The following PDHA1 variants were observed in gnomAD, a reference collection of about 807,000 sequenced individuals.
PDHA1 encodes pyruvate dehydrogenase E1 component subunit alpha, somatic form, mitochondrial.
PDHA1 carries 1 observed loss-of-function variant against 33.0 expected under a neutral mutation model. The ratio of observed to expected loss-of-function variants is 0.03; its 90% confidence interval spans 0.01 to 0.14. The LOEUF is 0.14. Among genes scored for constraint, PDHA1 ranks in the 10% least tolerant of loss-of-function variants. PDHA1 has a pLI of 1.00. For missense variants in PDHA1, 168 were observed against 325.1 expected, an observed-to-expected ratio of 0.52 and a Z score of 3.72; for synonymous variants, 123 against 119.2, an observed-to-expected ratio of 1.03 and a Z score of -0.21.
chrX:19,360,738 G>A lies in PDHA1; in HGVS notation c.*1085G>A, dbSNP rs765681576. 5.9e-6 allele frequency: 7 copies of A among 1,190,771 alleles called. No homozygotes were observed. In the East Asian group the frequency reaches 1.2e-4, roughly 20 times the overall value. ...TGGTGGGACACTCTGCCACAGCTTA[G>A]CTGATTGGTATCAAGCCTTGTCTTT... On this transcript the variant is annotated 3_prime_UTR_variant, in exon 11 of 11. Coordinates refer to ENST00000422285, the MANE Select transcript of PDHA1 (RefSeq NM_000284.4).
chrX:19,357,814 G>GATACCAGTTCACTTC, intron 9 of PDHA1, 95 bp downstream of exon 9: 1 of 677,258 alleles, frequency 1.5e-6, no homozygotes, highest in Non-Finnish European at 2.4e-6. Context: ...TTTGGAGCTA[G>GATACCAGTTCACTTC]ATACCAGTTC....
Position 19,359,929 on chromosome X carries a change from G to A in PDHA1, c.*276G>A, listed in dbSNP as rs1297996550. The stretch of plus-strand genomic sequence containing the variant: ...AGGAAGAACAATTCCTTGTATGCCT[G>A]TTTCCCCTGCCCCCAGCCACCTTTT... On this transcript the variant is annotated 3_prime_UTR_variant, in exon 11 of 11. Coordinates refer to ENST00000422285, the MANE Select transcript of PDHA1 (RefSeq NM_000284.4). The A allele has an allele frequency of 5.8e-6, 2 of 344,758 alleles. No homozygotes were observed. The highest frequency in any genetic ancestry group is 5.9e-5 in the East Asian group (1 of 16,987). The allele number at this position is 344,758 out of a possible 1,213,427, so 28.4% of individuals were successfully genotyped here.
At position 19,360,507 on chromosome X, in the gene PDHA1, C is replaced by CTAA; in HGVS notation, c.*857_*859dup. 6.8e-6 allele frequency: 2 copies of CTAA among 294,738 alleles called. No individual in the cohort carries two copies. Among genetic ancestry groups the CTAA allele is most frequent in the Non-Finnish European group, 1.2e-5 (2 of 167,249 alleles). The allele number at this position is 294,738 out of a possible 1,213,427, so 24.3% of individuals were successfully genotyped here. A position where few individuals can be genotyped will look rare whatever the true frequency, so the allele number is the denominator to read the frequency against. On this transcript the variant is annotated 3_prime_UTR_variant, in exon 11 of 11. Transcript: ENST00000422285. ...ATAGCTGGGACTACAAGTGAATTTC[C>CTAA]TAATATTCCGGGAGGTCAAAACCAA...
At position 19,359,830 on chromosome X, in the gene PDHA1, ATGAATTAT is replaced by A; in HGVS notation, c.*181_*188del. The A allele has an allele frequency of 6.0e-6, 3 of 496,611 alleles. No individual in the cohort carries two copies. In the South Asian group the frequency reaches 8.4e-5, roughly 14 times the overall value. 40.9% of individuals were successfully genotyped at this position (496,611 alleles called of 1,213,427 possible). On this transcript the variant is annotated 3_prime_UTR_variant, in exon 11 of 11. Coordinates refer to ENST00000422285, the MANE Select transcript of PDHA1 (RefSeq NM_000284.4). Reference sequence around the variant, plus strand: ...AGTTTGTACATTAGTGCATTAAAAGATGAATTATTGAGTGCTTAAAGATTATTTTTGAC... The same window carrying A: ...AGTTTGTACATTAGTGCATTAAAAGATGAGTGCTTAAAGATTATTTTTGAC...
rs1308033219 is a variant in PDHA1 at position 19,360,602 on chromosome X, A to G, written c.*949A>G. 2.2e-6 allele frequency: 1 copy of G among 457,258 alleles called. No individual in the cohort carries two copies. Among genetic ancestry groups the G allele is most frequent in the South Asian group, 3.3e-5 (1 of 30,463 alleles). 37.7% of individuals were successfully genotyped at this position (457,258 alleles called of 1,213,427 possible). A position where few individuals can be genotyped will look rare whatever the true frequency, so the allele number is the denominator to read the frequency against. On this transcript the variant is annotated 3_prime_UTR_variant, in exon 11 of 11. Transcript: ENST00000422285. Reference sequence around the variant, plus strand: ...ACAGGTTTCAAAAGAAACTCAGGACAGTATTTAAAACAAGTTCTTAAACTA... The same window carrying G: ...ACAGGTTTCAAAAGAAACTCAGGACGGTATTTAAAACAAGTTCTTAAACTA...
At chrX:19,354,622 T>C in intron 6 of PDHA1, 39 bp downstream of exon 6, 1 of 805,419 alleles carries the variant, frequency 1.2e-6, no homozygotes, top group Non-Finnish European at 1.9e-6. Context: ...CAGTCTTATT[T>C]TCAAAGTCTT....
In PDHA1 at chrX:19,349,694, C is replaced by T. The variant is rs1200212541; in HGVS notation, c.118-243C>T. On this transcript the variant is annotated intron_variant, in intron 2 of 10. Coordinates refer to ENST00000422285, the MANE Select transcript of PDHA1 (RefSeq NM_000284.4). The stretch of plus-strand genomic sequence containing the variant: ...TTGAAGGTTCTTTCAACCTATAACT[C>T]AGTTGGCTTCTAGGGGCTTTCAGTG... 2.7e-5 allele frequency among the ~76,000 whole-genome samples: 3 copies of T among 112,325 alleles called. No homozygotes were observed. In the East Asian group the frequency reaches 8.3e-4, roughly 31 times the overall value.
intron 5 of PDHA1, chrX:19,353,428 A>G: frequency 2.4e-6 from 1 of 413,038 alleles, no homozygotes. Context: ...TATTTTGCCT[A>G]CAGGATTCAG....
chrX:19,359,090 A>G (rs2063235201), intron 10 of PDHA1, 66 bp downstream of exon 10: 1 of 651,479 alleles, frequency 1.5e-6, no homozygotes, highest in African/African-American at 2.2e-5. Context: ...GGGTGGCCAC[A>G]GAGTTTGTGT....
At chrX:19,355,188 C>A in intron 6 of PDHA1, 161 bp from the exon 7 acceptor site, 1 of 578,922 alleles carries the variant, frequency 1.7e-6, no homozygotes, top group Non-Finnish European at 3.0e-6. Flanking sequence ...TCTCCTCCAC[C>A]ACCCACCCCG....
At chrX:19,354,767 A>G (rs999504141) in intron 6 of PDHA1, among the ~76,000 whole-genome samples, 184 bp downstream of exon 6, 1 of 112,608 alleles carries the variant, frequency 8.9e-6, no homozygotes, top group African/African-American at 3.2e-5. Flanking sequence ...TTCACAAGAG[A>G]CTTACGGGGG....
At position 19,359,486 on chromosome X, in the gene PDHA1, T is replaced by C. The variant is rs751552111; in HGVS notation, c.1009-3T>C. ...ACCTTTTACACTGTTACCTAATTTT[T>C]AGGAAATTGATGTGGAAGTGAGGAA... On this transcript the variant is annotated splice_region_variant and splice_polypyrimidine_tract_variant and intron_variant, in intron 10 of 10. Coordinates refer to ENST00000422285, the MANE Select transcript of PDHA1 (RefSeq NM_000284.4). 1 of 1,206,824 alleles carries C rather than the reference T, an allele frequency of 8.3e-7. No individual in the cohort carries two copies. The highest frequency in any genetic ancestry group is 1.1e-6 in the Non-Finnish European group (1 of 891,156).
chrX:19,358,103 C>T (rs1389519474), intron 9 of PDHA1, among the ~76,000 whole-genome samples: 1 of 111,877 alleles, frequency 8.9e-6, no homozygotes, highest in Admixed American at 9.5e-5. Context: ...TGGAGATGTT[C>T]CTCTGTCTGG....
intron 6 of PDHA1, 32 bp downstream of exon 6, chrX:19,354,615 T>C: frequency 1.2e-6 from 1 of 862,484 alleles, no homozygotes; most frequent in Non-Finnish European, 1.7e-6. Flanking sequence ...CCAAAAACAG[T>C]CTTATTTTCA....
chrX:19,358,885 C>CTGATCGATTACTACTTTT, intron 9 of PDHA1, 31 bp from the exon 10 acceptor site: 1 of 861,402 alleles, frequency 1.2e-6, no homozygotes, highest in Non-Finnish European at 1.7e-6. Flanking sequence ...ACTGCTCTTA[C>CTGATCGATTACTACTTTT]TGATCGATTA....
chrX:19,349,351 G>T lies in PDHA1; in HGVS notation c.97G>T (p.Asp33Tyr). The change falls in exon 2 of 11, where the codon GAT becomes TAT. Residue 33 changes from aspartate (D) to tyrosine (Y), a missense_variant. By Grantham distance (160) the Asp-to-Tyr change is radical. Around this residue, in one of 5 missense-constraint regions of PDHA1, gnomAD observed 46 missense variants for 47.4 expected, o/e 0.97. Coordinates refer to ENST00000422285, the MANE Select transcript of PDHA1 (RefSeq NM_000284.4). ...GGTAGCATCCCGTAATTTTGCAAAT[G>T]ATGCTACATTTGAAATTAAGGTAAG... is the stretch of plus-strand genomic sequence containing the variant. ...VLVASRNFAN[D>Y]ATFEIKKCDL... 8.5e-7 allele frequency: 1 copy of T among 1,177,911 alleles called. No individual in the cohort carries two copies. The highest frequency in any genetic ancestry group is 1.2e-6 in the Non-Finnish European group (1 of 864,795).
At chrX:19,345,681 C>T (rs2063127421) in intron 1 of PDHA1, 1 of 216,217 alleles carries the variant, frequency 4.6e-6, no homozygotes, top group South Asian at 5.7e-5. Context: ...CTTTAGGCAC[C>T]TGATGTAGGT....
At chrX:19,347,326 A>G (rs2147172468) in intron 1 of PDHA1, among the ~76,000 whole-genome samples, 1 of 112,837 alleles carries the variant, frequency 8.9e-6, no homozygotes, top group Admixed American at 9.4e-5. Context: ...ACAAGCTCTC[A>G]CTCAGAAATG....
At chrX:19,351,486 T>G in intron 4 of PDHA1, 79 bp downstream of exon 4, 1 of 883,377 alleles carries the variant, frequency 1.1e-6, no homozygotes. Flanking sequence ...TATTATGAGT[T>G]AATATTTGTT....
Sources: gnomAD v4.1 joint callset for allele counts (sites outside exome capture counted in the v4.1 genomes callset) on GRCh38, gnomAD v4.1.1 for gene constraint, gnomAD v4.1.1 regional missense constraint, MANE v1.5 for transcripts, NCBI Gene and HGNC (gene_info 2026-07-23, HGNC 2026-07-21) for gene names.